CSMD1: variants seen among roughly 807,000 people sequenced by gnomAD.
CSMD1 encodes CUB and sushi domain-containing protein 1.
A neutral mutation model predicts 417.5 loss-of-function variants in CSMD1; 213 were observed. The ratio of observed to expected loss-of-function variants is 0.51; its 90% CI spans 0.46 to 0.57. The LOEUF (loss-of-function observed/expected upper bound fraction) is 0.57, where lower values mean the gene tolerates loss of function less well. CSMD1 is among the 20% of genes least tolerant of loss of function. The pLI, the probability that CSMD1 is intolerant of heterozygous loss-of-function variation, is 0.00. For missense variants in CSMD1, 6,923 were observed against 4,529.7 expected (o/e 1.53, Z -15.17); for synonymous variants, 2,862 against 1,736.8 (o/e 1.65, Z -16.11).
chr8:4,694,487 G>A (rs936273080), intron 1 of CSMD1, among the ~76,000 whole-genome samples: 2 of 151,966 alleles, frequency 1.3e-5, no homozygotes, highest in African/African-American at 4.8e-5. Flanking sequence ...AAGTAGCTGG[G>A]GCTATCTATA....
At chr8:4,415,551 A>G (rs772031526) in intron 3 of CSMD1, among the ~76,000 whole-genome samples, 5 of 152,284 alleles carry the variant, frequency 3.3e-5, no homozygotes, top group South Asian at 2.1e-4. Flanking sequence ...CGGAATGACT[A>G]TTGAGTCACA....
At chr8:3,167,113 CG>C (rs1305399967) in intron 37 of CSMD1, among the ~76,000 whole-genome samples, 1 of 151,954 alleles carries the variant, frequency 6.6e-6, no homozygotes, top group Non-Finnish European at 1.5e-5. Flanking sequence ...GGTGAAACCC[CG>C]TCTCTACTAA....
chr8:3,963,900 T>C (rs1388349912), intron 5 of CSMD1, among the ~76,000 whole-genome samples: 1 of 152,224 alleles, frequency 6.6e-6, no homozygotes, highest in Non-Finnish European at 1.5e-5. Flanking sequence ...GAAGAATTTC[T>C]AACTCATTGT....
At chr8:4,089,321 A>C (rs562838487) in intron 3 of CSMD1, among the ~76,000 whole-genome samples, 9 of 152,192 alleles carry the variant, frequency 5.9e-5, no homozygotes, top group Non-Finnish European at 7.3e-5. Context: ...GAAAGAAGGA[A>C]AGAAGAGAGC....
At position 4,950,472 on chromosome 8, in the gene CSMD1, T is replaced by C. The variant is rs143299590; in HGVS notation, c.85+43860A>G. ...GTGAAAAAGCAGAACACCTGCAAAATAGGATAAGAAATAAATCAGCCTACA... is the reference window on the plus strand; with the variant it reads ...GTGAAAAAGCAGAACACCTGCAAAACAGGATAAGAAATAAATCAGCCTACA... On this transcript the variant is annotated intron_variant, in intron 1 of 69. Coordinates refer to ENST00000635120, the MANE Select transcript of CSMD1 (RefSeq NM_033225.6). Among the ~76,000 whole-genome samples, 491 of 152,238 alleles carry C rather than the reference T, an allele frequency of 3.2e-3. 5 individuals carry two copies. The highest frequency in any genetic ancestry group is 0.011 in the African/African-American group (466 of 41,548).
At chr8:4,180,123 C>G (rs192613962) in intron 3 of CSMD1, among the ~76,000 whole-genome samples, 419 of 152,206 alleles carry the variant, frequency 2.8e-3, no homozygotes, top group African/African-American at 9.5e-3. Context: ...AAGACACATT[C>G]ACACATATGT....
chr8:4,912,291 A>G (rs571579165), intron 1 of CSMD1, among the ~76,000 whole-genome samples: 22 of 152,240 alleles, frequency 1.4e-4, no homozygotes, highest in African/African-American at 5.1e-4. Context: ...TACTAAAATG[A>G]CGTGGACAGA....
At chr8:4,884,722 G>C (rs558045718) in intron 1 of CSMD1, among the ~76,000 whole-genome samples, 1 of 152,026 alleles carries the variant, frequency 6.6e-6, no homozygotes, top group Non-Finnish European at 1.5e-5. Context: ...TCCTTCCTTG[G>C]ATCAATAGGT....
chr8:4,064,849 G>C (rs531574491), intron 3 of CSMD1, among the ~76,000 whole-genome samples: 7 of 152,008 alleles, frequency 4.6e-5, no homozygotes, highest in Admixed American at 3.9e-4. Context: ...TGTGATGTAA[G>C]TGTACTGTGT....
rs2975391 is a variant in CSMD1 at position 3,828,319 on chromosome 8, C to T, written c.819-74277G>A. 5.1e-3 allele frequency among the ~76,000 whole-genome samples: 780 copies of T among 152,288 alleles called. 2 individuals are homozygous for T. Among genetic ancestry groups the T allele is most frequent in the Non-Finnish European group, 8.4e-3 (574 of 68,028 alleles). On this transcript the variant is annotated intron_variant, in intron 5 of 69. Coordinates refer to ENST00000635120, the MANE Select transcript of CSMD1 (RefSeq NM_033225.6). Reference sequence around the variant, plus strand: ...AGTTTGGAACACCTGTCTCAGCTTTCACTTAAGTATAATGAATCTATAATT... The same window carrying T: ...AGTTTGGAACACCTGTCTCAGCTTTTACTTAAGTATAATGAATCTATAATT...
At chr8:3,056,457 T>A (rs1424781574) in intron 49 of CSMD1, among the ~76,000 whole-genome samples, 1 of 152,136 alleles carries the variant, frequency 6.6e-6, no homozygotes, top group African/African-American at 2.4e-5. Context: ...AGCCTCAATC[T>A]CCTGAACTCA....
chr8:4,317,526 C>G (rs1481316640), intron 3 of CSMD1, among the ~76,000 whole-genome samples: 1 of 152,080 alleles, frequency 6.6e-6, no homozygotes, highest in African/African-American at 2.4e-5. Context: ...CTTTTCTTGG[C>G]TGTTTCTTCA....
At chr8:3,904,639 C>CTTT (rs11395103) in intron 5 of CSMD1, among the ~76,000 whole-genome samples, 118 of 133,116 alleles carry the variant, frequency 8.9e-4, no homozygotes, top group African/African-American at 3.1e-3. Flanking sequence ...CGTTTTCTTT[C>CTTT]TTTTTTTTTT....
At chr8:3,228,945 A>G (rs751123725) in intron 27 of CSMD1, among the ~76,000 whole-genome samples, 3 of 152,144 alleles carry the variant, frequency 2.0e-5, no homozygotes, top group African/African-American at 7.2e-5. Context: ...CACAGACGCT[A>G]TGAAAAGTAA....
At chr8:4,878,525 A>C (rs1175950369) in intron 1 of CSMD1, among the ~76,000 whole-genome samples, 1 of 151,940 alleles carries the variant, frequency 6.6e-6, no homozygotes, top group African/African-American at 2.4e-5. Flanking sequence ...ATTATTATTC[A>C]GAATGATTAT....
chr8:4,215,124 A>C (rs1039046952), intron 3 of CSMD1, among the ~76,000 whole-genome samples: 3 of 152,172 alleles, frequency 2.0e-5, no homozygotes. Flanking sequence ...CTCAGTTCTC[A>C]GGGTGCCAAC....
In CSMD1 at chr8:4,637,506, T is replaced by C. The variant is rs1802893925; in HGVS notation, c.138A>G (p.Pro46=). The C allele has an allele frequency of 4.3e-6, 7 of 1,613,924 alleles. No individual in the cohort carries two copies. The highest frequency in any genetic ancestry group is 5.9e-6 in the Non-Finnish European group (7 of 1,179,864). The change falls in exon 2 of 70, where the codon CCA becomes CCG. Residue 46 remains proline, a synonymous_variant. Coordinates refer to ENST00000635120, the MANE Select transcript of CSMD1 (RefSeq NM_033225.6). ...AGTTCGGATACCCGTGAGGAAACCCTGGGCTCTCAATAGTGCCATTGGGAC... is the reference window on the plus strand; with the variant it reads ...AGTTCGGATACCCGTGAGGAAACCCCGGGCTCTCAATAGTGCCATTGGGAC... The part of the protein sequence containing the change: ...VQGPNGTIES[P]GFPHGYPNYA...
chr8:3,130,198 T>G (rs970953623), intron 41 of CSMD1, among the ~76,000 whole-genome samples: 1 of 152,164 alleles, frequency 6.6e-6, no homozygotes, highest in African/African-American at 2.4e-5. Flanking sequence ...AAGTTTAACA[T>G]GATGATCACG....
At chr8:3,497,755 G>C (rs1796427336) in intron 10 of CSMD1, among the ~76,000 whole-genome samples, 1 of 152,064 alleles carries the variant, frequency 6.6e-6, no homozygotes, top group Non-Finnish European at 1.5e-5. Context: ...ATTGTCACTT[G>C]GTTATTTCTG....
Sources: allele counts gnomAD v4.1 joint callset (sites outside exome capture counted in the v4.1 genomes callset), GRCh38; gene constraint gnomAD v4.1.1; transcripts MANE v1.5; gene names NCBI Gene and HGNC (gene_info 2026-07-23, HGNC 2026-07-21).